DHX15: variants seen among roughly 807,000 people sequenced by gnomAD.
DHX15 encodes the protein ATP-dependent RNA helicase DHX15.
Under a neutral mutation model 94.4 loss-of-function variants are expected in DHX15, and 11 were observed. The observed-to-expected ratio is 0.12, with a 90% CI of 0.07 to 0.19. The LOEUF (loss-of-function observed/expected upper bound fraction) is 0.19. DHX15 is among the 10% of genes least tolerant of loss of function. DHX15 has a pLI of 1.00. For missense variants in DHX15, 304 were observed against 988.5 expected (o/e 0.31, Z 9.29); for synonymous variants, 338 against 329.9 (o/e 1.02, Z -0.27).
chr4:24,548,813 C>A lies in DHX15; in HGVS notation c.1248+42G>T, dbSNP rs745353893. 9.2e-5 allele frequency: 144 copies of A among 1,556,854 alleles called. 1 individual carries two copies. Among genetic ancestry groups the A allele is most frequent in the Non-Finnish European group, 4.6e-5 (53 of 1,142,160 alleles). On this transcript the variant is annotated intron_variant, in intron 6 of 13. Transcript: ENST00000336812. ...TGAATACAGTTTATATCTCATAAAT[C>A]ATTATTAGTGAAATATTTATAAAGA... is the stretch of plus-strand genomic sequence containing the variant.
Position 24,537,445 on chromosome 4 carries a change from C to T in DHX15, c.1787-272G>A. On this transcript the variant is annotated intron_variant, in intron 10 of 13. Transcript: ENST00000336812. This position sits in a 1 kb window ranked among gnomAD's most constrained non-coding sequence, Gnocchi z 4.7. ...TCAAAACAGCTATTCTGAAGGCCAT[C>T]AGGATACTAAAAAGCTCAACTTATT... The T allele has an allele frequency of 3.6e-6, 1 of 274,098 alleles. No homozygotes were observed. The highest frequency in any genetic ancestry group is 7.1e-5 in the East Asian group (1 of 14,016). The allele number at this position is 274,098 out of a possible 1,614,324, so 17.0% of individuals were successfully genotyped here.
Position 24,584,398 on chromosome 4 carries a change from G to A in DHX15, c.-5C>T, listed in dbSNP as rs1722559386. On this transcript the variant is annotated 5_prime_UTR_variant, in exon 1 of 14. Transcript: ENST00000336812. ...CAACCGGTGCCGCTTGGACATCCTCGCACTCTTCGAACGGGCAGTTATTAA... is the reference window on the plus strand; with the variant it reads ...CAACCGGTGCCGCTTGGACATCCTCACACTCTTCGAACGGGCAGTTATTAA... 1 of 1,611,140 alleles carries A rather than the reference G, an allele frequency of 6.2e-7. No homozygotes were observed. Among genetic ancestry groups the A allele is most frequent in the Non-Finnish European group, 8.5e-7 (1 of 1,178,942 alleles).
chr4:24,550,306 T>C (rs1278784527), intron 5 of DHX15, among the ~76,000 whole-genome samples: 4 of 151,548 alleles, frequency 2.6e-5, no homozygotes, highest in Non-Finnish European at 4.4e-5. Context: ...ATGTATTTTC[T>C]TTTTTTTGAT....
chr4:24,532,408 C>T (rs2109391779), intron 12 of DHX15, among the ~76,000 whole-genome samples: 1 of 152,268 alleles, frequency 6.6e-6, no homozygotes. Flanking sequence ...TAGATAAAGA[C>T]TAAAGCCAAC....
chr4:24,571,263 T>C (rs536475449), intron 2 of DHX15, among the ~76,000 whole-genome samples: 5 of 149,658 alleles, frequency 3.3e-5, no homozygotes, highest in Admixed American at 6.6e-5. Flanking sequence ...AGCTGTACTT[T>C]TATTTAATTC....
Position 24,543,358 on chromosome 4 carries a change from G to A in DHX15, c.1249-332C>T, listed in dbSNP as rs74622840. 5.7e-3 allele frequency among the ~76,000 whole-genome samples: 863 copies of A among 152,150 alleles called. 17 individuals are homozygous for A. In the East Asian group the frequency reaches 0.059, roughly 10 times the overall value. The stretch of plus-strand genomic sequence containing the variant: ...AGCAATATAACGTGCCTTACAAAAC[G>A]TCTGATAAAACAGCCCTTATAATTA... On this transcript the variant is annotated intron_variant, in intron 6 of 13. Transcript: ENST00000336812.
intron 12 of DHX15, chr4:24,530,123 T>TA (rs1721042797): frequency 1.5e-5 from 5 of 324,878 alleles, no homozygotes; most frequent in African/African-American, 1.1e-4. Context: ...CATTTGTCTA[T>TA]ACCTATTATG....
intron 3 of DHX15, among the ~76,000 whole-genome samples, chr4:24,562,838 C>G (rs980054986): frequency 4.6e-5 from 7 of 152,180 alleles, no homozygotes; most frequent in Admixed American, 4.6e-4. Flanking sequence ...TTCACACACA[C>G]AGAACTATCA....
rs530153726 is a variant in DHX15 at position 24,555,768 on chromosome 4, A to G, written c.861+483T>C. On this transcript the variant is annotated intron_variant, in intron 4 of 13. Coordinates refer to ENST00000336812, the MANE Select transcript of DHX15 (RefSeq NM_001358.3). ...CTTAATCAATACAGTAACAGGGGCC[A>G]AGGTACATGTGGTATGGAGGAAAGA... is the stretch of plus-strand genomic sequence containing the variant. Among the ~76,000 whole-genome samples, 18 of 152,326 alleles carry G rather than the reference A, an allele frequency of 1.2e-4. No homozygotes were observed. In the East Asian group the frequency reaches 2.7e-3, roughly 23 times the overall value.
At chr4:24,582,007 C>G (rs1020039857) in intron 1 of DHX15, among the ~76,000 whole-genome samples, 2 of 152,116 alleles carry the variant, frequency 1.3e-5, no homozygotes, top group Non-Finnish European at 2.9e-5. Flanking sequence ...GAAACCCTAT[C>G]TGGCAGTGGA....
chr4:24,546,872 A>G (rs1721437206), intron 6 of DHX15, among the ~76,000 whole-genome samples: 1 of 152,216 alleles, frequency 6.6e-6, no homozygotes, highest in South Asian at 2.1e-4. Context: ...TATTTGCTTT[A>G]TGCTAGCTAC....
At chr4:24,549,150 T>C in intron 5 of DHX15, 128 bp from the exon 6 acceptor site, 2 of 710,876 alleles carry the variant, frequency 2.8e-6, no homozygotes, top group South Asian at 8.8e-5. Context: ...CTGTTTTCAA[T>C]TTAGTAACCA....
intron 12 of DHX15, among the ~76,000 whole-genome samples, chr4:24,531,092 T>G (rs1721074797): frequency 1.1e-5 from 1 of 87,972 alleles, no homozygotes; most frequent in Non-Finnish European, 3.3e-5. Flanking sequence ...TTTCATCAAT[T>G]TTTTTTTTTT....
chr4:24,529,852 C>G (rs1418503673), intron 12 of DHX15, 82 bp from the exon 13 acceptor site: 2 of 1,380,060 alleles, frequency 1.4e-6, no homozygotes, highest in Non-Finnish European at 1.0e-6. Flanking sequence ...TAGGAAGAGG[C>G]AGGCCTCCCT....
At chr4:24,542,305 T>C (rs1721329132) in intron 7 of DHX15, among the ~76,000 whole-genome samples, 1 of 152,164 alleles carries the variant, frequency 6.6e-6, no homozygotes, top group African/African-American at 2.4e-5. Flanking sequence ...AGGCTGACCT[T>C]GTTCCTTGCT....
chr4:24,562,537 A>G (rs575273483), intron 3 of DHX15, among the ~76,000 whole-genome samples: 1 of 152,352 alleles, frequency 6.6e-6, no homozygotes, highest in South Asian at 2.1e-4. Flanking sequence ...ATTGTTTAAA[A>G]TAAAACAATG....
At position 24,528,107 on chromosome 4, in the gene DHX15, G is replaced by A. The variant is rs2109389413; in HGVS notation, c.2271-66C>T. 3 of 1,078,952 alleles carry A rather than the reference G, an allele frequency of 2.8e-6. No individual in the cohort carries two copies. The East Asian group carries it at 7.1e-5, about 26-fold the overall frequency. 66.8% of individuals were successfully genotyped at this position (1,078,952 alleles called of 1,614,324 possible). A position where few individuals can be genotyped will look rare whatever the true frequency, so the allele number is the denominator to read the frequency against. ...AATTGAAGTACTGGAGTTGTTAATA[G>A]GATAGGCATTATTCATTAATATACT... On this transcript the variant is annotated intron_variant, in intron 13 of 13. Transcript: ENST00000336812.
chr4:24,562,272 A>T (rs780915006), intron 3 of DHX15, among the ~76,000 whole-genome samples: 2 of 152,224 alleles, frequency 1.3e-5, no homozygotes, highest in African/African-American at 2.4e-5. Flanking sequence ...GGCATCTATT[A>T]TAAATGAATG....
chr4:24,538,731 AAAT>A (rs1721246456), intron 10 of DHX15: 1 of 142,006 alleles, frequency 7.0e-6, no homozygotes, highest in Admixed American at 6.8e-5. Context: ...TAATAAATAA[AAAT>A]AAGTTTTTTT....
Sources: gnomAD v4.1 joint callset for allele counts (sites outside exome capture counted in the v4.1 genomes callset) on GRCh38, gnomAD v4.1.1 for gene constraint, Gnocchi (gnomAD v3.1) non-coding constraint, MANE v1.5 for transcripts, NCBI Gene and HGNC (gene_info 2026-07-23, HGNC 2026-07-21) for gene names.